SGSM1: variants seen among roughly 807,000 people sequenced by gnomAD.
SGSM1 encodes RUN and TBC1 domain containing 2.
SGSM1 carries 73 observed loss-of-function variants against 133.8 expected under a neutral mutation model. The ratio of observed to expected loss-of-function variants is 0.55; its 90% CI spans 0.45 to 0.66. The LOEUF (loss-of-function observed/expected upper bound fraction) is 0.66, where lower values mean the gene tolerates loss of function less well. SGSM1 is among the 30% of genes least tolerant of loss of function. The pLI, the probability that SGSM1 is intolerant of heterozygous loss-of-function variation, is 0.00. For missense variants in SGSM1, 1,213 were observed against 1,448.1 expected (o/e 0.84, Z 2.64); for synonymous variants, 563 against 573.0 (o/e 0.98, Z 0.25).
chr22:24,913,829 G>A (rs995474530), intron 22 of SGSM1, among the ~76,000 whole-genome samples: 3 of 151,386 alleles, frequency 2.0e-5, no homozygotes, highest in African/African-American at 4.9e-5. Context: ...AGACCAGCCC[G>A]GCCAACATGG....
At chr22:24,897,557 C>T (rs942383416) in intron 18 of SGSM1, among the ~76,000 whole-genome samples, 5 of 152,146 alleles carry the variant, frequency 3.3e-5, no homozygotes, top group African/African-American at 1.2e-4. Context: ...AGTCTTGACT[C>T]CCCAGGCTTG....
intron 21 of SGSM1, among the ~76,000 whole-genome samples, chr22:24,912,178 A>G (rs1357973697): frequency 2.0e-5 from 3 of 152,182 alleles, no homozygotes; most frequent in African/African-American, 7.2e-5. Flanking sequence ...GCTGTTCTGG[A>G]TGAGAGCTTG....
intron 21 of SGSM1, among the ~76,000 whole-genome samples, chr22:24,909,820 G>A (rs984514861): frequency 1.3e-4 from 20 of 152,094 alleles, no homozygotes; most frequent in South Asian, 8.3e-4. Context: ...GTTATCATAC[G>A]ACCCAGCAAT....
intron 23 of SGSM1, 59 bp from the exon 24 acceptor site, chr22:24,919,767 G>C (rs1366382117): frequency 6.2e-7 from 1 of 1,601,848 alleles, no homozygotes; most frequent in Non-Finnish European, 8.5e-7. Flanking sequence ...TCCCAAGGCA[G>C]GGCAACACTG....
At chr22:24,881,421 T>TGGC (rs1932313890) in intron 14 of SGSM1, among the ~76,000 whole-genome samples, 3 of 133,348 alleles carry the variant, frequency 2.2e-5, no homozygotes, top group Non-Finnish European at 3.2e-5. Flanking sequence ...AAAAAATTAG[T>TGGC]CGGGTGTGGT....
intron 2 of SGSM1, among the ~76,000 whole-genome samples, chr22:24,827,337 C>A (rs1210887116): frequency 6.6e-6 from 1 of 151,838 alleles, no homozygotes; most frequent in African/African-American, 2.4e-5. Flanking sequence ...TGCCCTGAGT[C>A]CCTCCTGAGA....
chr22:24,842,169 A>C (rs532815020), intron 2 of SGSM1, among the ~76,000 whole-genome samples: 20 of 152,300 alleles, frequency 1.3e-4, no homozygotes, highest in African/African-American at 4.8e-4. Flanking sequence ...TTAGAGGAGC[A>C]AAGGAAAGAA....
chr22:24,857,424 A>AT (rs56195907), intron 8 of SGSM1, among the ~76,000 whole-genome samples: 1 of 149,826 alleles, frequency 6.7e-6, no homozygotes. Flanking sequence ...AAAAAAAAAA[A>AT]GCTATTTAGA....
intron 9 of SGSM1, among the ~76,000 whole-genome samples, chr22:24,866,679 A>G (rs1428506871): frequency 6.6e-6 from 1 of 152,224 alleles, no homozygotes; most frequent in Non-Finnish European, 1.5e-5. Context: ...CTCTCCAGAC[A>G]GGATGGGGCA....
intron 21 of SGSM1, among the ~76,000 whole-genome samples, chr22:24,912,278 T>C (rs1933655864): frequency 6.6e-6 from 1 of 152,202 alleles, no homozygotes. Flanking sequence ...GTTCAACAAA[T>C]GTACCATGCT....
chr22:24,916,383 T>C (rs1210308919), intron 22 of SGSM1, among the ~76,000 whole-genome samples: 1 of 152,154 alleles, frequency 6.6e-6, no homozygotes, highest in Non-Finnish European at 1.5e-5. Flanking sequence ...GTATGATGCA[T>C]TGTAGCATGT....
intron 9 of SGSM1, among the ~76,000 whole-genome samples, chr22:24,860,423 G>A (rs1931055068): frequency 1.3e-5 from 2 of 152,130 alleles, no homozygotes; most frequent in Non-Finnish European, 2.9e-5. Context: ...GAGGAGGCTT[G>A]GCTGCTGGTG....
chr22:24,904,911 G>A (rs1933316322), intron 20 of SGSM1, among the ~76,000 whole-genome samples, 194 bp from the exon 21 acceptor site: 1 of 152,100 alleles, frequency 6.6e-6, no homozygotes, highest in Admixed American at 6.6e-5. Context: ...CTCCTGAGTT[G>A]GCCTTTAGGG....
intron 2 of SGSM1, chr22:24,843,677 C>A (rs781046451): frequency 2.0e-5 from 3 of 152,388 alleles, no homozygotes; most frequent in Non-Finnish European, 4.4e-5. Flanking sequence ...TGGGCAGAAT[C>A]AGGCCCAGAA....
Position 24,847,617 on chromosome 22 carries a change from C to A in SGSM1, c.140-17C>A. On this transcript the variant is annotated splice_polypyrimidine_tract_variant and intron_variant, in intron 3 of 24. Coordinates refer to ENST00000400358, the MANE Select transcript of SGSM1 (RefSeq NM_001098497.3). The stretch of plus-strand genomic sequence containing the variant: ...GCATGGGCAGGGCAGGGTCTGCTGA[C>A]TGCCATGTCCCTGCAGCGGCTGTGG... 1 of 1,611,286 alleles carries A rather than the reference C, an allele frequency of 6.2e-7. No individual in the cohort carries two copies.
At chr22:24,831,800 A>G (rs1320562075) in intron 2 of SGSM1, among the ~76,000 whole-genome samples, 2 of 152,236 alleles carry the variant, frequency 1.3e-5, no homozygotes, top group Non-Finnish European at 2.9e-5. Flanking sequence ...CCGTCCTGTA[A>G]TACAGAGAAG....
Position 24,850,348 on chromosome 22 carries a change from T to G in SGSM1, c.371T>G (p.Leu124Arg), listed in dbSNP as rs1483078595. 1.6e-5 allele frequency: 26 copies of G among 1,613,920 alleles called. No individual in the cohort carries two copies. Among genetic ancestry groups the G allele is most frequent in the Non-Finnish European group, 2.1e-5 (25 of 1,179,880 alleles). ...KLPKLPNLSP[L>R]AIKHLWIRTA... is the part of the protein sequence containing the mutation. ...CCGAAGCTGCCCAACTTGTCCCCAC[T>G]TGCCATCAAGCATCTGTGGATTCGC... Residue 124 changes from leucine (L) to arginine (R), a missense_variant, in exon 5 of 25, where the codon CTT (leucine) becomes CGT (arginine). Coordinates refer to ENST00000400358, the MANE Select transcript of SGSM1 (RefSeq NM_001098497.3).
At chr22:24,909,451 TTTA>T (rs150425856) in intron 21 of SGSM1, among the ~76,000 whole-genome samples, 11 of 150,686 alleles carry the variant, frequency 7.3e-5, no homozygotes, top group Non-Finnish European at 1.3e-4. Flanking sequence ...TATTTATTTA[TTTA>T]TTATTATTAT....
chr22:24,820,422 G>A (rs955744819), intron 2 of SGSM1, among the ~76,000 whole-genome samples: 2 of 152,152 alleles, frequency 1.3e-5, no homozygotes, highest in Non-Finnish European at 2.9e-5. Flanking sequence ...CGATTAACTC[G>A]GGCCAGGTTG....
Sources: gnomAD v4.1 joint callset for allele counts (sites outside exome capture counted in the v4.1 genomes callset) on GRCh38, gnomAD v4.1.1 for gene constraint, MANE v1.5 for transcripts, NCBI Gene and HGNC (gene_info 2026-07-23, HGNC 2026-07-21) for gene names.